The following SIPA1L2 variants were observed in gnomAD, a reference collection of about 807,000 sequenced individuals.
The protein encoded by SIPA1L2 is signal induced proliferation associated 1 like 2.
A neutral mutation model predicts 163.9 loss-of-function variants in SIPA1L2; 56 were observed. The ratio of observed to expected loss-of-function variants is 0.34; its 90% confidence interval spans 0.28 to 0.43. The LOEUF (loss-of-function observed/expected upper bound fraction) is 0.43. SIPA1L2 is among the 20% of genes least tolerant of loss of function. The pLI is 1.00. For synonymous variants in SIPA1L2, 877 were observed against 865.7 expected (o/e 1.01, Z -0.23); for missense variants, 1,974 against 2,193.5 (o/e 0.90, Z 2.00).
At chr1:232,597,970 T>C (rs1211494789) in intron 1 of SIPA1L2, among the ~76,000 whole-genome samples, 1 of 152,184 alleles carries the variant, frequency 6.6e-6, no homozygotes, top group Non-Finnish European at 1.5e-5. Context: ...CACCTGCATG[T>C]GAGCCAAGAC....
At chr1:232,627,935 C>T (rs991214450) in intron 1 of SIPA1L2, among the ~76,000 whole-genome samples, 1 of 152,108 alleles carries the variant, frequency 6.6e-6, no homozygotes, top group Non-Finnish European at 1.5e-5. Flanking sequence ...CTTCTTTTTC[C>T]TTCAGCTATT....
At position 232,432,281 on chromosome 1, in the gene SIPA1L2, G is replaced by T; in HGVS notation, c.4222C>A (p.Pro1408Thr). The T allele has an allele frequency of 6.2e-7, 1 of 1,614,146 alleles. No individual in the cohort carries two copies. Among genetic ancestry groups the T allele is most frequent in the Non-Finnish European group, 8.5e-7 (1 of 1,180,034 alleles). ...IGWKKSEGSP[P>T]PEEPEVTECP... ...TCAGTCACTTCAGGCTCCTCGGGCGGTGGGCTGCCCTCCGATTTCTTCCAG... is the reference window on the plus strand; with the variant it reads ...TCAGTCACTTCAGGCTCCTCGGGCGTTGGGCTGCCCTCCGATTTCTTCCAG... Residue 1408 changes from proline to threonine, a missense_variant, in exon 16 of 23, where the codon CCG becomes ACG. This residue lies in a region of SIPA1L2 where 1,079 missense variants were observed against 1,150.7 expected (regional missense o/e 0.94). Coordinates refer to ENST00000674635, the MANE Select transcript of SIPA1L2 (RefSeq NM_020808.5).
intron 2 of SIPA1L2, among the ~76,000 whole-genome samples, chr1:232,553,832 C>A (rs1035193034): frequency 2.0e-5 from 3 of 152,154 alleles, no homozygotes; most frequent in African/African-American, 7.2e-5. Context: ...TATTTATATT[C>A]ATTACAGAGG....
chr1:232,452,451 G>A (rs1161825356), intron 10 of SIPA1L2, among the ~76,000 whole-genome samples: 1 of 152,064 alleles, frequency 6.6e-6, no homozygotes, highest in African/African-American at 2.4e-5. Flanking sequence ...GCCAAGTACT[G>A]TAGTGTATGC....
Position 232,460,948 on chromosome 1 carries a change from G to C in SIPA1L2, c.3034C>G (p.Arg1012Gly). 1 of 1,614,248 alleles carries C rather than the reference G, an allele frequency of 6.2e-7. No individual in the cohort carries two copies. Among genetic ancestry groups the C allele is most frequent in the Non-Finnish European group, 8.5e-7 (1 of 1,180,048 alleles). Residue 1012 changes from arginine to glycine, a missense_variant, in exon 10 of 23, where the codon CGT (arginine) becomes GGT (glycine). Arg to Gly is a moderately radical substitution (Grantham distance 125). Around this residue, in one of 3 missense-constraint regions of SIPA1L2, gnomAD observed 1,079 missense variants for 1,150.7 expected, o/e 0.94. Coordinates refer to ENST00000674635, the MANE Select transcript of SIPA1L2 (RefSeq NM_020808.5). The part of the protein sequence containing the change: ...LTHEQMIDLL[R>G]TSVTVKVVII... Reference sequence around the variant, plus strand: ...ACCACCTTCACAGTCACAGAAGTACGGAGCAGGTCGATCATCTGCTCGTGG... The same window carrying C: ...ACCACCTTCACAGTCACAGAAGTACCGAGCAGGTCGATCATCTGCTCGTGG...
chr1:232,617,873 G>A (rs1187753458), intron 1 of SIPA1L2, among the ~76,000 whole-genome samples: 4 of 152,134 alleles, frequency 2.6e-5, no homozygotes, highest in Admixed American at 6.5e-5. Context: ...TTTTTAACTC[G>A]TTTACAATAT....
chr1:232,597,658 C>G (rs1269357262), intron 1 of SIPA1L2, among the ~76,000 whole-genome samples: 1 of 145,332 alleles, frequency 6.9e-6, no homozygotes, highest in African/African-American at 2.6e-5. Flanking sequence ...CCACTGCACT[C>G]CAGCCTGGGC....
Position 232,515,232 on chromosome 1 carries a change from C to G in SIPA1L2, c.108G>C (p.Arg36=). The G allele has an allele frequency of 3.1e-6, 5 of 1,614,118 alleles. No homozygotes were observed. Among genetic ancestry groups the G allele is most frequent in the Non-Finnish European group, 4.2e-6 (5 of 1,180,020 alleles). Residue 36 remains arginine, a synonymous_variant, in exon 3 of 23, where the codon CGG becomes CGC. Coordinates refer to ENST00000674635, the MANE Select transcript of SIPA1L2 (RefSeq NM_020808.5). ...TGTTGCCATTAATGGCTTTAAATTT[C>G]CGAGCAAAATAATCATCTGACTGCA... ...RIMQSDDYFA[R]KFKAINGNMG...
rs781001912 is a variant in SIPA1L2, at chr1:232,432,409, G to A, written c.4094C>T (p.Ser1365Leu). The change falls in exon 16 of 23, where the codon TCA becomes TTA. Residue 1365 changes from serine to leucine, a missense_variant. Physicochemically the swap from Ser to Leu is moderately radical, Grantham distance 145. Coordinates refer to ENST00000674635, the MANE Select transcript of SIPA1L2 (RefSeq NM_020808.5). ...GTGAGACACGATGTAGACTTTGGAT[G>A]AATCCAGAGACCCACTACTTTTTGA... ...HCSKSSGSLD[S>L]SKVYIVSHSS... is the part of the protein sequence containing the mutation. 1.1e-4 allele frequency: 174 copies of A among 1,614,124 alleles called. No homozygotes were observed. The highest frequency in any genetic ancestry group is 1.5e-4 in the Non-Finnish European group (172 of 1,180,048).
intron 1 of SIPA1L2, among the ~76,000 whole-genome samples, chr1:232,586,987 T>C (rs1660691909): frequency 6.6e-6 from 1 of 152,170 alleles, no homozygotes; most frequent in African/African-American, 2.4e-5. Flanking sequence ...GAAACAGACA[T>C]ACAAGGGTAG....
rs201017150 is a variant in SIPA1L2, at chr1:232,465,413, A to G, written c.2247T>C (p.Val749=). 625 of 1,595,956 alleles carry G rather than the reference A, an allele frequency of 3.9e-4. No individual in the cohort carries two copies. Among genetic ancestry groups the G allele is most frequent in the South Asian group, 3.2e-3 (286 of 88,816 alleles). The change falls in exon 9 of 23, where the codon GTT becomes GTC. Residue 749 remains valine, a synonymous_variant. Transcript: ENST00000674635. This position sits in a 1 kb window ranked among gnomAD's most constrained non-coding sequence, Gnocchi z 4.1. ...GCACATCTTTTGATCTGGAAACTCC[A>G]ACACTGAGGAAGTAAAAACAGAAAC... The part of the protein sequence containing the change: ...NPCTENVCYS[V]GVSRSKDVPP...
At chr1:232,485,449 T>A (rs1333414698) in intron 5 of SIPA1L2, among the ~76,000 whole-genome samples, 1 of 152,140 alleles carries the variant, frequency 6.6e-6, no homozygotes, top group Non-Finnish European at 1.5e-5. Flanking sequence ...CACCCAGAGA[T>A]TGAGGAATCA....
Position 232,399,141 on chromosome 1 carries a change from CGAT to C in SIPA1L2, c.5152_5154del (p.Ile1718del). The C allele has an allele frequency of 6.2e-7, 1 of 1,613,990 alleles. No homozygotes were observed. The highest frequency in any genetic ancestry group is 8.5e-7 in the Non-Finnish European group (1 of 1,180,014). Reference sequence around the variant, plus strand: ...GTGCGGATTGGCTAAGATTTTTTGTCGATGGTGGTGAAAAACCATTCTGTGAAT... The same window carrying C: ...GTGCGGATTGGCTAAGATTTTTTGTCGGTGGTGAAAAACCATTCTGTGAAT... On this transcript the variant is annotated inframe_deletion, in exon 23 of 23. Coordinates refer to ENST00000674635, the MANE Select transcript of SIPA1L2 (RefSeq NM_020808.5).
intron 2 of SIPA1L2, among the ~76,000 whole-genome samples, chr1:232,519,423 G>T (rs1315751719): frequency 1.3e-5 from 2 of 152,162 alleles, no homozygotes; most frequent in Middle Eastern, 3.2e-3. Context: ...GCCTGCCCGT[G>T]AATGGTACCA....
At chr1:232,545,436 TG>T (rs1375783717) in intron 2 of SIPA1L2, among the ~76,000 whole-genome samples, 95 of 152,350 alleles carry the variant, frequency 6.2e-4, no homozygotes, top group African/African-American at 1.6e-3. Flanking sequence ...TGGCTTGGTT[TG>T]TTTTTAATTA....
chr1:232,462,193 C>T (rs776136396), intron 9 of SIPA1L2: 61 of 1,547,148 alleles, frequency 3.9e-5, no homozygotes, highest in South Asian at 4.8e-5. Context: ...AAGCACTCAC[C>T]GAGCATAGTT....
At chr1:232,443,451 A>C (rs139728388) in intron 12 of SIPA1L2, 151 bp downstream of exon 12, 1 of 504,252 alleles carries the variant, frequency 2.0e-6, no homozygotes, top group Non-Finnish European at 3.3e-6. Flanking sequence ...TGAGCTTTCC[A>C]ACCTGGACAA....
intron 5 of SIPA1L2, among the ~76,000 whole-genome samples, chr1:232,487,956 G>A (rs7545142): frequency 3.2e-4 from 40 of 126,184 alleles, no homozygotes; most frequent in African/African-American, 5.4e-4. Flanking sequence ...ACACACACAC[G>A]CACACATATT....
intron 3 of SIPA1L2, among the ~76,000 whole-genome samples, chr1:232,495,286 G>T (rs990634713): frequency 6.6e-6 from 1 of 152,118 alleles, no homozygotes; most frequent in African/African-American, 2.4e-5. Context: ...GGTGGGGGCC[G>T]GGCACGGTGG....
Sources: allele counts gnomAD v4.1 joint callset (sites outside exome capture counted in the v4.1 genomes callset), GRCh38; gene constraint gnomAD v4.1.1; regional missense constraint gnomAD v4.1.1; non-coding constraint Gnocchi (gnomAD v3.1); transcripts MANE v1.5; gene names NCBI Gene and HGNC (gene_info 2026-07-23, HGNC 2026-07-21).